Variants in ZBTB20 observed in about 807,000 individuals in gnomAD.
ZBTB20 encodes zinc finger and BTB domain containing 20, also known as zinc finger and BTB domain-containing protein 20.
A neutral mutation model predicts 56.9 loss-of-function variants in ZBTB20; 9 were observed. The observed-to-expected ratio is 0.16, with a 90% CI of 0.10 to 0.28. The LOEUF (loss-of-function observed/expected upper bound fraction) is 0.28, where lower values mean the gene tolerates loss of function less well. ZBTB20 is among the 10% of genes least tolerant of loss of function. The pLI is 1.00. For synonymous variants in ZBTB20, 417 were observed against 420.7 expected (o/e 0.99, Z 0.11); for missense variants, 655 against 1,003.0 (o/e 0.65, Z 4.69).
chr3:114,708,080 G>A (rs2063826595), intron 5 of ZBTB20, among the ~76,000 whole-genome samples: 1 of 152,134 alleles, frequency 6.6e-6, no homozygotes, highest in Non-Finnish European at 1.5e-5. Flanking sequence ...TTTGTTATTT[G>A]TTTGTTATCC....
chr3:114,488,049 G>A (rs1204525096), intron 7 of ZBTB20, among the ~76,000 whole-genome samples: 1 of 152,192 alleles, frequency 6.6e-6, no homozygotes, highest in African/African-American at 2.4e-5. Context: ...TTACATTCAT[G>A]TGAGTGAGCC....
At position 114,945,599 on chromosome 3, in the gene ZBTB20, T is replaced by C. The variant is rs914288715; in HGVS notation, c.-456+28767A>G. Among the ~76,000 whole-genome samples, 11 of 145,222 alleles carry C rather than the reference T, an allele frequency of 7.6e-5. 1 individual carries two copies. Among genetic ancestry groups the C allele is most frequent in the Non-Finnish European group, 1.3e-4 (9 of 67,370 alleles). ...GGGCAAATGAAATAACAAGGTTGATTAATAAAAAAAGTTAAGACAGAAGAA... is the reference window on the plus strand; with the variant it reads ...GGGCAAATGAAATAACAAGGTTGATCAATAAAAAAAGTTAAGACAGAAGAA... On this transcript the variant is annotated intron_variant, in intron 3 of 11. Transcript: ENST00000675478.
Position 114,317,185 on chromosome 3 carries a change from A to T in ZBTB20, c.*21820T>A, listed in dbSNP as rs2078717369. Reference sequence around the variant, plus strand: ...TAGGAATAAGGCACCAGAGAAATCAAAATGTTACAAAAAGATGCAAACCCC... The same window carrying T: ...TAGGAATAAGGCACCAGAGAAATCATAATGTTACAAAAAGATGCAAACCCC... On this transcript the variant is annotated 3_prime_UTR_variant, in exon 12 of 12. Transcript: ENST00000675478. 1 of 152,432 alleles carries T rather than the reference A, an allele frequency of 6.6e-6. No homozygotes were observed. The highest frequency in any genetic ancestry group is 2.4e-5 in the African/African-American group (1 of 41,408). 9.4% of individuals were successfully genotyped at this position (152,432 alleles called of 1,614,324 possible).
intron 6 of ZBTB20, among the ~76,000 whole-genome samples, chr3:114,693,067 T>C (rs957113374): frequency 6.6e-6 from 1 of 152,148 alleles, no homozygotes; most frequent in African/African-American, 2.4e-5. Context: ...AAAGTATCAC[T>C]AAATGTGTTT....
chr3:114,391,979 A>G (rs2085918521), intron 7 of ZBTB20, among the ~76,000 whole-genome samples: 1 of 152,236 alleles, frequency 6.6e-6, no homozygotes, highest in African/African-American at 2.4e-5. Flanking sequence ...ATTGTGTTCC[A>G]AAATATAACA....
intron 7 of ZBTB20, among the ~76,000 whole-genome samples, chr3:114,496,158 T>C (rs1193037253): frequency 2.0e-5 from 3 of 152,154 alleles, no homozygotes; most frequent in Non-Finnish European, 4.4e-5. Context: ...GCAAAGAACA[T>C]AGGCTTTGAA....
At chr3:114,633,932 G>A (rs1215338852) in intron 6 of ZBTB20, among the ~76,000 whole-genome samples, 2 of 152,078 alleles carry the variant, frequency 1.3e-5, no homozygotes, top group Admixed American at 6.5e-5. Context: ...ATGTGTTGGG[G>A]AATACACATC....
chr3:114,650,304 T>C (rs561003400), intron 6 of ZBTB20, among the ~76,000 whole-genome samples: 7 of 152,020 alleles, frequency 4.6e-5, no homozygotes, highest in South Asian at 2.1e-4. Context: ...ACTTAAAAAA[T>C]TGAAAATAAT....
intron 4 of ZBTB20, among the ~76,000 whole-genome samples, chr3:114,813,581 T>C (rs1304559588): frequency 6.6e-6 from 1 of 152,126 alleles, no homozygotes; most frequent in Admixed American, 6.5e-5. Flanking sequence ...AAAAATCCTG[T>C]CTGTACAGAA....
Position 114,680,729 on chromosome 3 carries a change from T to G in ZBTB20, c.-295+12799A>C, listed in dbSNP as rs564601175. Among the ~76,000 whole-genome samples the G allele has an allele frequency of 2.4e-4, 36 of 152,250 alleles. 1 individual carries two copies. In the South Asian group the frequency reaches 2.7e-3, roughly 11 times the overall value. ...ACATCAACTAGATACAAAAGAGAAA[T>G]CTATTGTTTGACAATGATCGTTACT... On this transcript the variant is annotated intron_variant, in intron 6 of 11. Transcript: ENST00000675478.
intron 5 of ZBTB20, among the ~76,000 whole-genome samples, chr3:114,711,028 G>GC (rs1405693384): frequency 2.0e-5 from 3 of 152,062 alleles, no homozygotes; most frequent in African/African-American, 7.2e-5. Context: ...GTCACCACAT[G>GC]CTTAGGTTCT....
intron 4 of ZBTB20, among the ~76,000 whole-genome samples, chr3:114,841,157 C>T (rs529859613): frequency 1.3e-5 from 2 of 152,188 alleles, no homozygotes; most frequent in East Asian, 3.9e-4. Flanking sequence ...TAATAAAGTG[C>T]ACATTACAGG....
chr3:114,498,828 C>T (rs538717837), intron 7 of ZBTB20, among the ~76,000 whole-genome samples: 2 of 152,294 alleles, frequency 1.3e-5, no homozygotes, highest in South Asian at 4.1e-4. Flanking sequence ...AAGTCTCCCC[C>T]TTGATTCCTA....
chr3:114,468,963 G>A (rs1006508042), intron 7 of ZBTB20, among the ~76,000 whole-genome samples: 4 of 137,134 alleles, frequency 2.9e-5, no homozygotes, highest in Admixed American at 2.4e-4. Context: ...GGTGCCACAT[G>A]TGGATGCAGA....
At chr3:114,584,244 C>T (rs1487687669) in intron 6 of ZBTB20, among the ~76,000 whole-genome samples, 2 of 152,162 alleles carry the variant, frequency 1.3e-5, no homozygotes, top group African/African-American at 4.8e-5. Flanking sequence ...TTGCCATTAT[C>T]TATCCCCTAA....
At chr3:114,741,197 A>G (rs1468447699) in intron 5 of ZBTB20, among the ~76,000 whole-genome samples, 1 of 152,200 alleles carries the variant, frequency 6.6e-6, no homozygotes, top group Non-Finnish European at 1.5e-5. Context: ...TGCCAGGCAC[A>G]GTGTAAGATC....
At chr3:114,578,669 G>A (rs1419734977) in intron 6 of ZBTB20, among the ~76,000 whole-genome samples, 1 of 151,790 alleles carries the variant, frequency 6.6e-6, no homozygotes, top group Non-Finnish European at 1.5e-5. Context: ...ATTGAGTAAT[G>A]TCTTTAAAAT....
chr3:114,518,250 T>C (rs2046249114), intron 6 of ZBTB20, among the ~76,000 whole-genome samples: 1 of 152,032 alleles, frequency 6.6e-6, no homozygotes, highest in Non-Finnish European at 1.5e-5. Context: ...TTAAAAGCAT[T>C]CTTCAAATAT....
intron 6 of ZBTB20, among the ~76,000 whole-genome samples, chr3:114,639,861 T>TG (rs2059463658): frequency 6.6e-6 from 1 of 152,040 alleles, no homozygotes; most frequent in South Asian, 2.1e-4. Flanking sequence ...GACACATGGA[T>TG]GGCACATAGC....
Sources: gnomAD v4.1 joint callset for allele counts (sites outside exome capture counted in the v4.1 genomes callset) on GRCh38, gnomAD v4.1.1 for gene constraint, MANE v1.5 for transcripts, NCBI Gene and HGNC (gene_info 2026-07-23, HGNC 2026-07-21) for gene names.